The following LMLN variants were observed in gnomAD, a reference collection of about 807,000 sequenced individuals.
The protein encoded by LMLN is leishmanolysin like peptidase.
LMLN carries 70 observed loss-of-function variants against 92.3 expected under a neutral mutation model. The observed-to-expected ratio is 0.76, with a 90% CI of 0.63 to 0.92. The LOEUF is 0.92. Ranked by LOEUF, LMLN falls within the 40% of genes least tolerant of loss-of-function variation. LMLN has a pLI of 0.00. For missense variants in LMLN, 691 were observed against 814.6 expected, an observed-to-expected ratio of 0.85 and a Z score of 1.85; for synonymous variants, 308 against 296.2, an observed-to-expected ratio of 1.04 and a Z score of -0.41.
intron 11 of LMLN, among the ~76,000 whole-genome samples, chr3:198,016,355 G>A (rs528518775): frequency 1.2e-4 from 18 of 152,236 alleles, no homozygotes; most frequent in East Asian, 3.9e-4. Flanking sequence ...CGGAAGCACC[G>A]GCAACCACTC....
At chr3:197,978,092 A>G (rs892137047) in intron 5 of LMLN, among the ~76,000 whole-genome samples, 2 of 151,888 alleles carry the variant, frequency 1.3e-5, no homozygotes, top group African/African-American at 4.8e-5. Context: ...ATCTGGAAGC[A>G]CACACACGTT....
At chr3:198,035,361 GTT>G (rs10679322) in intron 14 of LMLN, among the ~76,000 whole-genome samples, 171 of 117,680 alleles carry the variant, frequency 1.5e-3, no homozygotes, top group Non-Finnish European at 2.4e-3. Flanking sequence ...CCCTCTTTTG[GTT>G]TTTTTTTTTT....
At chr3:198,011,753 G>A (rs1250789690) in intron 11 of LMLN, among the ~76,000 whole-genome samples, 2 of 151,908 alleles carry the variant, frequency 1.3e-5, no homozygotes, top group African/African-American at 4.8e-5. Context: ...ATGTAAAAGT[G>A]TTCCTATTTC....
At chr3:197,996,969 C>T (rs1253360169) in intron 10 of LMLN, among the ~76,000 whole-genome samples, 2 of 151,804 alleles carry the variant, frequency 1.3e-5, no homozygotes, top group Non-Finnish European at 2.9e-5. Context: ...TGTGTTCGTT[C>T]GTTTGTTCGT....
In LMLN at chr3:198,028,863, T is replaced by C. The variant is rs1007536086; in HGVS notation, c.1656+4075T>C. Among the ~76,000 whole-genome samples, 4 of 152,250 alleles carry C rather than the reference T, an allele frequency of 2.6e-5. No homozygotes were observed. The East Asian group carries it at 7.7e-4, about 29-fold the overall frequency. ...GCAGGCACAAATTTATATTTTTGTT[T>C]CATTTTTTACACCAATAGTATCAAG... On this transcript the variant is annotated intron_variant, in intron 14 of 15. Coordinates refer to ENST00000330198, the Ensembl canonical transcript of LMLN.
At chr3:197,975,505 G>GTGCACGCACACACATGCGCACA (rs1397291984) in intron 3 of LMLN, among the ~76,000 whole-genome samples, 3 of 147,500 alleles carry the variant, frequency 2.0e-5, no homozygotes, top group African/African-American at 8.0e-5. Context: ...ACACGCGCAC[G>GTGCACGCACACACATGCGCACA]TGCACGCACA....
At chr3:198,018,175 C>A in intron 11 of LMLN, among the ~76,000 whole-genome samples, 1 of 152,120 alleles carries the variant, frequency 6.6e-6, no homozygotes, top group East Asian at 1.9e-4. Context: ...ATATAATATG[C>A]CTTTTGGTTT....
intron 11 of LMLN, among the ~76,000 whole-genome samples, chr3:198,012,763 T>C (rs13064245): frequency 2.8e-4 from 27 of 97,882 alleles, no homozygotes; most frequent in African/African-American, 3.1e-4. Context: ...TCTCTGTACC[T>C]TTCAGAGCCT....
chr3:198,012,231 A>AT (rs1319909381), intron 11 of LMLN, among the ~76,000 whole-genome samples: 4 of 152,000 alleles, frequency 2.6e-5, no homozygotes, highest in African/African-American at 9.7e-5. Flanking sequence ...TGCCCGGCTA[A>AT]TTTTTTTATT....
At chr3:198,024,340 C>G (rs1214098968) in intron 13 of LMLN, among the ~76,000 whole-genome samples, 1 of 151,694 alleles carries the variant, frequency 6.6e-6, no homozygotes, top group Non-Finnish European at 1.5e-5. Context: ...CTCAGCCTCC[C>G]GAGTAGCTGG....
At chr3:197,985,821 T>C in exon 8 of LMLN, 1 of 1,613,634 alleles carries the variant, frequency 6.2e-7, no homozygotes, top group East Asian at 2.2e-5. Flanking sequence ...CTGTTTGCAT[T>C]CTACCATGAT....
intron 1 of LMLN, among the ~76,000 whole-genome samples, chr3:197,965,791 G>A (rs984409396): frequency 6.6e-6 from 1 of 152,128 alleles, no homozygotes; most frequent in African/African-American, 2.4e-5. Flanking sequence ...TTGTACACCT[G>A]TAGTCCCACC....
chr3:197,981,531 A>G (rs2109867316), intron 6 of LMLN, among the ~76,000 whole-genome samples: 1 of 152,332 alleles, frequency 6.6e-6, no homozygotes, highest in Middle Eastern at 3.4e-3. Flanking sequence ...TTGTCATGTA[A>G]TTTGTTATAT....
At chr3:197,963,860 A>G (rs1278757333) in intron 1 of LMLN, among the ~76,000 whole-genome samples, 1 of 152,186 alleles carries the variant, frequency 6.6e-6, no homozygotes, top group African/African-American at 2.4e-5. Context: ...TTTGTTCCTG[A>G]TCTTAGGACC....
chr3:198,038,299 C>T (rs2109962956), intron 15 of LMLN: 1 of 374,032 alleles, frequency 2.7e-6, no homozygotes, highest in Middle Eastern at 8.1e-4. Context: ...TTTATCTTTG[C>T]TGGGGTACTA....
exon 3 of LMLN, chr3:197,975,063 T>C (rs1485894378): frequency 2.0e-6 from 3 of 1,488,882 alleles, no homozygotes; most frequent in Non-Finnish European, 2.8e-6. Context: ...AGAAAAAGAA[T>C]CTTGTAAAGG....
intron 15 of LMLN, chr3:198,038,230 G>T (rs1020637671): frequency 4.0e-6 from 1 of 251,336 alleles, no homozygotes; most frequent in African/African-American, 2.3e-5. Flanking sequence ...CTACTTAGAA[G>T]GTACAAAGAA....
At chr3:197,983,676 G>A (rs888129446) in intron 6 of LMLN, among the ~76,000 whole-genome samples, 5 of 152,054 alleles carry the variant, frequency 3.3e-5, no homozygotes, top group East Asian at 1.9e-4. Flanking sequence ...CTTTCAGTTC[G>A]TTCTTTTTTG....
chr3:197,975,252 G>T (rs1026891844), intron 3 of LMLN, among the ~76,000 whole-genome samples, 180 bp downstream of exon 3: 1 of 152,196 alleles, frequency 6.6e-6, no homozygotes, highest in African/African-American at 2.4e-5. Flanking sequence ...AACTTTGTTG[G>T]TATTGGGCAT....
Sources: gnomAD v4.1 joint callset for allele counts (sites outside exome capture counted in the v4.1 genomes callset) on GRCh38, gnomAD v4.1.1 for gene constraint, MANE v1.5 for transcripts, NCBI Gene and HGNC (gene_info 2026-07-23, HGNC 2026-07-21) for gene names.